Variants in TRAP1 observed in about 807,000 individuals in gnomAD.
TRAP1 encodes TNF receptor associated protein 1, also known as heat shock protein 75 kDa, mitochondrial.
In TRAP1, 102 loss-of-function variants were observed where a neutral mutation model predicts 89.1. The observed-to-expected ratio is 1.15, with a 90% CI of 0.98 to 1.35. TRAP1 has a LOEUF of 1.35. TRAP1 is among the 40% of genes most tolerant of loss of function. The pLI is 0.00. For missense variants in TRAP1, 1,256 were observed against 945.3 expected (o/e 1.33, Z -4.31); for synonymous variants, 508 against 388.0 (o/e 1.31, Z -3.64).
chr16:3,706,426 G>A (rs1256840557), intron 1 of TRAP1, among the ~76,000 whole-genome samples: 1 of 149,646 alleles, frequency 6.7e-6, no homozygotes, highest in Non-Finnish European at 1.5e-5. Context: ...GATTAGAAGG[G>A]CGCACCACCA....
chr16:3,672,555 C>A, intron 10 of TRAP1, 145 bp downstream of exon 10: 1 of 1,318,224 alleles, frequency 7.6e-7, no homozygotes, highest in Non-Finnish European at 1.0e-6. Flanking sequence ...GGTCTGTAAA[C>A]GCGACTGACA....
Position 3,705,969 on chromosome 16 carries a change from A to G in TRAP1, c.88+11452T>C, listed in dbSNP as rs1209544358. Reference sequence around the variant, plus strand: ...CGGCCTCCCAAAGTGCTGGGATTACAGGCGTGAGCCACCAGTCCCGGCCCT... The same window carrying G: ...CGGCCTCCCAAAGTGCTGGGATTACGGGCGTGAGCCACCAGTCCCGGCCCT... On this transcript the variant is annotated intron_variant, in intron 1 of 17. Transcript: ENST00000246957. 2.0e-5 allele frequency among the ~76,000 whole-genome samples: 3 copies of G among 150,680 alleles called. No individual in the cohort carries two copies. In the East Asian group the frequency reaches 5.8e-4, roughly 29 times the overall value.
Position 3,661,995 on chromosome 16 carries a change from G to C in TRAP1, c.1932C>G (p.Ile644Met), listed in dbSNP as rs980435019. ...CAGGAGCGTGGCCTCACCTGGGGTTGATCTCCAGCGTGGGCTGCAGGAGCT... is the reference window on the plus strand; with the variant it reads ...CAGGAGCGTGGCCTCACCTGGGGTTCATCTCCAGCGTGGGCTGCAGGAGCT... ...RAQLLQPTLE[I>M]NPRHALIKKL... Residue 644 changes from isoleucine to methionine, a missense_variant, in exon 16 of 18, where the codon ATC (isoleucine) becomes ATG (methionine). Ile to Met is a conservative substitution (Grantham distance 10). Transcript: ENST00000246957. The C allele has an allele frequency of 1.3e-5, 21 of 1,607,184 alleles. No homozygotes were observed. Among genetic ancestry groups the C allele is most frequent in the Non-Finnish European group, 1.7e-5 (20 of 1,176,382 alleles).
chr16:3,662,896 C>T lies in TRAP1; in HGVS notation c.1780G>A (p.Val594Ile), dbSNP rs2151240580. 6.2e-7 allele frequency: 1 copy of T among 1,613,574 alleles called. No individual in the cohort carries two copies. Among genetic ancestry groups the T allele is most frequent in the East Asian group, 2.2e-5 (1 of 44,882 alleles). ...AWMRNVLGSR[V>I]TNVKVTLRLD... ...GAAAGCCTCACCTTCACGTTGGTGA[C>T]ACGCGACCCCAGCACATTTCTCATC... Residue 594 changes from valine to isoleucine, a missense_variant, in exon 15 of 18, where the codon GTC (valine) becomes ATC (isoleucine). Val to Ile is a conservative substitution (Grantham distance 29). Coordinates refer to ENST00000246957, the MANE Select transcript of TRAP1 (RefSeq NM_016292.3).
At position 3,674,492 on chromosome 16, in the gene TRAP1, G is replaced by C; in HGVS notation, c.891C>G (p.Ala297=). The C allele has an allele frequency of 6.2e-7, 1 of 1,613,822 alleles. No homozygotes were observed. Among genetic ancestry groups the C allele is most frequent in the Non-Finnish European group, 8.5e-7 (1 of 1,179,960 alleles). The change falls in exon 9 of 18, where the codon GCC becomes GCG. Residue 297 remains alanine, a splice_region_variant and synonymous_variant. Transcript: ENST00000246957. The part of the protein sequence containing the change: ...LNGRRMNTLQ[A]IWMMDPKDVR... ...CATCCTTGGGGTCCATCATCCAGAT[G>C]GCCTGGAAACGGAGATCGGCGGGGA...
Position 3,660,002 on chromosome 16 carries a change from C to T in TRAP1, c.1941-1137G>A, listed in dbSNP as rs1021860768. On this transcript the variant is annotated intron_variant, in intron 16 of 17. Coordinates refer to ENST00000246957, the MANE Select transcript of TRAP1 (RefSeq NM_016292.3). Reference sequence around the variant, plus strand: ...TAGGCCTCCCAAAATGTTGGGATTACAGGCGTGAGGCACCGCACCCAACCT... The same window carrying T: ...TAGGCCTCCCAAAATGTTGGGATTATAGGCGTGAGGCACCGCACCCAACCT... 6.6e-5 allele frequency: 10 copies of T among 152,228 alleles called. 1 individual carries two copies. Among genetic ancestry groups the T allele is most frequent in the Admixed American group, 6.5e-4 (10 of 15,282 alleles). 9.4% of individuals were successfully genotyped at this position (152,228 alleles called of 1,614,324 possible).
intron 8 of TRAP1, chr16:3,674,809 AG>A (rs2050966267): frequency 7.1e-6 from 3 of 424,688 alleles, no homozygotes; most frequent in African/African-American, 2.0e-5. Context: ...GTGGGCCGTG[AG>A]AGCGATGACG....
At chr16:3,692,663 A>G (rs2051231623) in intron 1 of TRAP1, among the ~76,000 whole-genome samples, 4 of 142,080 alleles carry the variant, frequency 2.8e-5, no homozygotes, top group Admixed American at 2.2e-4. Flanking sequence ...CAATGGTGCA[A>G]TCTCGGCTCA....
chr16:3,670,191 G>A (rs149647743), intron 11 of TRAP1, among the ~76,000 whole-genome samples: 312 of 150,480 alleles, frequency 2.1e-3, no homozygotes, highest in South Asian at 4.2e-3. Context: ...GACCATCCTG[G>A]CTAACACGGT....
chr16:3,692,286 A>C (rs1408611466), intron 1 of TRAP1, among the ~76,000 whole-genome samples: 3 of 152,218 alleles, frequency 2.0e-5, no homozygotes, highest in Non-Finnish European at 1.5e-5. Context: ...CCGTAAACCC[A>C]GCACTTTGGG....
chr16:3,707,045 T>C (rs1218778584), intron 1 of TRAP1, among the ~76,000 whole-genome samples: 1 of 152,074 alleles, frequency 6.6e-6, no homozygotes, highest in Admixed American at 6.6e-5. Flanking sequence ...GTATCACCTG[T>C]TTTTTTGTTG....
chr16:3,711,703 T>C (rs1017487974), intron 1 of TRAP1, among the ~76,000 whole-genome samples: 5 of 152,124 alleles, frequency 3.3e-5, no homozygotes, highest in African/African-American at 1.2e-4. Flanking sequence ...ACAGCTTTTA[T>C]GGTAATTCCT....
intron 4 of TRAP1, chr16:3,680,032 C>A (rs1567233160): frequency 4.5e-6 from 2 of 442,630 alleles, no homozygotes; most frequent in Non-Finnish European, 8.4e-6. Context: ...GAGTTCAAGA[C>A]CAGCCTGGCC....
At position 3,691,005 on chromosome 16, in the gene TRAP1, GA is replaced by G. The variant is rs2051207035; in HGVS notation, c.89-21del. ...GTTTTCCTGAAAAGACAAATATGCA[GA>G]AAGAATGAGAATTAGGAAGACACGA... On this transcript the variant is annotated intron_variant, in intron 1 of 17. Coordinates refer to ENST00000246957, the MANE Select transcript of TRAP1 (RefSeq NM_016292.3). 6.9e-7 allele frequency: 1 copy of G among 1,457,792 alleles called. No homozygotes were observed. Among genetic ancestry groups the G allele is most frequent in the Non-Finnish European group, 9.1e-7 (1 of 1,096,482 alleles). The allele number at this position is 1,457,792 out of a possible 1,614,324, so 90.3% of individuals were successfully genotyped here. A position where few individuals can be genotyped will look rare whatever the true frequency, so the allele number is the denominator to read the frequency against.
chr16:3,661,194 G>A (rs900162868), intron 16 of TRAP1: 2 of 152,052 alleles, frequency 1.3e-5, no homozygotes, highest in African/African-American at 4.8e-5. Context: ...GAGAATGTAA[G>A]GTACCAAAGG....
In TRAP1 at chr16:3,664,347, T is replaced by G. The variant is rs1452048274; in HGVS notation, c.1496A>C (p.Tyr499Ser). Residue 499 changes from tyrosine (Y) to serine (S), a missense_variant, in exon 13 of 18, where the codon TAC becomes TCC. Physicochemically the swap from Tyr to Ser is moderately radical, Grantham distance 144. Transcript: ENST00000246957. ...RMRAGTRNIY[Y>S]LCAPNRHLAE... is the part of the protein sequence containing the mutation. ...CAGGTGACGGTTGGGGGCGCACAGG[T>G]AGTAGATGTTGCGGGTGCCGGCCCG... The G allele has an allele frequency of 2.5e-6, 4 of 1,612,070 alleles. No individual in the cohort carries two copies. The highest frequency in any genetic ancestry group is 8.5e-7 in the Non-Finnish European group (1 of 1,179,240).
chr16:3,697,838 G>C (rs2051310368), intron 1 of TRAP1, among the ~76,000 whole-genome samples: 1 of 151,288 alleles, frequency 6.6e-6, no homozygotes, highest in Admixed American at 6.6e-5. Context: ...CCCAGAGCTG[G>C]AGTGAAATGG....
chr16:3,710,398 TGTGGGG>T (rs2051512823), intron 1 of TRAP1: 2 of 152,358 alleles, frequency 1.3e-5, no homozygotes, highest in Admixed American at 6.5e-5. Flanking sequence ...GCAGTTTTGA[TGTGGGG>T]ACACTTCATA....
chr16:3,658,781 T>C lies in TRAP1; in HGVS notation c.2013+12A>G. The C allele has an allele frequency of 6.2e-7, 1 of 1,613,058 alleles. No homozygotes were observed. The highest frequency in any genetic ancestry group is 8.5e-7 in the Non-Finnish European group (1 of 1,179,538). On this transcript the variant is annotated intron_variant, in intron 17 of 17. Transcript: ENST00000246957. ...CTGGGTCCCTGCAGTCATCCTAAGC[T>C]GCTGCACTCACCTGATCCACCAGCA...
Sources: allele counts gnomAD v4.1 joint callset (sites outside exome capture counted in the v4.1 genomes callset), GRCh38; gene constraint gnomAD v4.1.1; transcripts MANE v1.5; gene names NCBI Gene and HGNC (gene_info 2026-07-23, HGNC 2026-07-21).